Variants in RPAP2 observed in about 807,000 individuals in gnomAD.
RPAP2 encodes the protein putative RNA polymerase II subunit B1 CTD phosphatase RPAP2.
RPAP2 carries 52 observed loss-of-function variants against 73.1 expected under a neutral mutation model. The ratio of observed to expected loss-of-function variants is 0.71; its 90% CI spans 0.57 to 0.90. The LOEUF (loss-of-function observed/expected upper bound fraction) is 0.90, where lower values mean the gene tolerates loss of function less well. RPAP2 is among the 40% of genes least tolerant of loss of function. The probability of loss-of-function intolerance (pLI) is 0.00; values close to 1 mark genes in which losing one functional copy is unlikely to be tolerated. For missense variants in RPAP2, 598 were observed against 701.8 expected (o/e 0.85, Z 1.67); for synonymous variants, 225 against 242.1 (o/e 0.93, Z 0.65).
chr1:92,348,381 T>C (rs1212274501), intron 11 of RPAP2, among the ~76,000 whole-genome samples: 2 of 152,248 alleles, frequency 1.3e-5, no homozygotes, highest in Admixed American at 1.3e-4. Flanking sequence ...TTAAAAATCT[T>C]TGGTCACTAT....
intron 9 of RPAP2, among the ~76,000 whole-genome samples, chr1:92,334,592 A>G (rs900704001): frequency 6.6e-6 from 1 of 152,218 alleles, no homozygotes; most frequent in Non-Finnish European, 1.5e-5. Flanking sequence ...TCATGCCTGT[A>G]ATCCCAGAAC....
intron 3 of RPAP2, among the ~76,000 whole-genome samples, chr1:92,301,954 C>T (rs947293370): frequency 4.6e-5 from 7 of 152,156 alleles, no homozygotes; most frequent in Middle Eastern, 3.2e-3. Context: ...ACATCACATA[C>T]TACCCCACAA....
intron 11 of RPAP2, among the ~76,000 whole-genome samples, chr1:92,372,819 G>A (rs1304148384): frequency 1.3e-5 from 2 of 152,176 alleles, no homozygotes; most frequent in Non-Finnish European, 2.9e-5. Flanking sequence ...GGAGGCTGAG[G>A]CAGGAGGATT....
At chr1:92,317,178 T>A (rs1651957252) in intron 6 of RPAP2, among the ~76,000 whole-genome samples, 1 of 152,170 alleles carries the variant, frequency 6.6e-6, no homozygotes, top group Non-Finnish European at 1.5e-5. Flanking sequence ...TAGGAAGTCA[T>A]TTAACCTCTC....
At chr1:92,331,619 T>C (rs1186366328) in intron 8 of RPAP2, among the ~76,000 whole-genome samples, 1 of 152,202 alleles carries the variant, frequency 6.6e-6, no homozygotes, top group African/African-American at 2.4e-5. Flanking sequence ...TAACTCCATC[T>C]ATCCCTCTTG....
intron 2 of RPAP2, among the ~76,000 whole-genome samples, chr1:92,301,238 C>G (rs1650833116): frequency 6.6e-6 from 1 of 152,160 alleles, no homozygotes; most frequent in African/African-American, 2.4e-5. Flanking sequence ...GATCCCAGCA[C>G]TTTGGGAGGC....
intron 10 of RPAP2, among the ~76,000 whole-genome samples, chr1:92,340,933 TTTTAAA>T (rs1653557952): frequency 6.6e-6 from 1 of 152,238 alleles, no homozygotes; most frequent in Non-Finnish European, 1.5e-5. Flanking sequence ...CAAAAGTCCA[TTTTAAA>T]TTTAATCAGT....
rs140937555 is a variant in RPAP2 at position 92,306,528 on chromosome 1, A to C, written c.400-660A>C. ...ATGTAGTACACAGTGAAAATTAATA[A>C]GCTACAACTACTTGAATGAATCTTA... On this transcript the variant is annotated intron_variant, in intron 5 of 12. Transcript: ENST00000610020. Among the ~76,000 whole-genome samples the C allele has an allele frequency of 2.3e-3, 348 of 152,366 alleles. 1 individual carries two copies. The highest frequency in any genetic ancestry group is 8.0e-3 in the African/African-American group (331 of 41,594).
At chr1:92,327,201 C>T (rs561513531) in intron 8 of RPAP2, among the ~76,000 whole-genome samples, 4 of 152,264 alleles carry the variant, frequency 2.6e-5, no homozygotes, top group Admixed American at 2.6e-4. Flanking sequence ...TCATTGTTGA[C>T]CTAGTGATCA....
chr1:92,303,465 C>G (rs920239303), intron 3 of RPAP2, among the ~76,000 whole-genome samples: 1 of 152,146 alleles, frequency 6.6e-6, no homozygotes, highest in East Asian at 1.9e-4. Context: ...CATCACCTCA[C>G]CACTCTGTAC....
chr1:92,380,932 CTTTT>C, intron 12 of RPAP2, 59 bp downstream of exon 12: 2 of 1,096,890 alleles, frequency 1.8e-6, no homozygotes, highest in African/African-American at 1.7e-5. Context: ...TATGTGGATT[CTTTT>C]TTTTTTTAAT....
chr1:92,319,122 A>G (rs1319241186), intron 6 of RPAP2, among the ~76,000 whole-genome samples: 2 of 152,236 alleles, frequency 1.3e-5, no homozygotes, highest in Admixed American at 6.5e-5. Flanking sequence ...AAATGCCTTT[A>G]TATACAGACT....
At chr1:92,305,493 T>A (rs1651166784) in intron 5 of RPAP2, among the ~76,000 whole-genome samples, 1 of 127,590 alleles carries the variant, frequency 7.8e-6, no homozygotes, top group African/African-American at 3.2e-5. Flanking sequence ...AGAGACTTCA[T>A]AAAATAAGAT....
intron 11 of RPAP2, among the ~76,000 whole-genome samples, chr1:92,355,271 A>AT (rs1654407601): frequency 6.6e-6 from 1 of 152,032 alleles, no homozygotes. Flanking sequence ...GATATATCCT[A>AT]TTTTTGTTCC....
Position 92,392,540 on chromosome 1 carries a change from T to G in RPAP2, c.*5529T>G, listed in dbSNP as rs1656081194. On this transcript the variant is annotated 3_prime_UTR_variant, in exon 13 of 13. Transcript: ENST00000610020. Reference sequence around the variant, plus strand: ...GTATTGGAAGTTCTGGCCAGGGCAATCAGGCAAGAGAAAGCAATAAAGCAT... The same window carrying G: ...GTATTGGAAGTTCTGGCCAGGGCAAGCAGGCAAGAGAAAGCAATAAAGCAT... The G allele has an allele frequency of 6.6e-6, 1 of 152,176 alleles. No homozygotes were observed. Among genetic ancestry groups the G allele is most frequent in the Non-Finnish European group, 1.5e-5 (1 of 68,036 alleles). The allele number at this position is 152,176 out of a possible 1,614,324, so 9.4% of individuals were successfully genotyped here. A position where few individuals can be genotyped will look rare whatever the true frequency, so the allele number is the denominator to read the frequency against.
chr1:92,333,421 A>G lies in RPAP2; in HGVS notation c.1486A>G (p.Ser496Gly), dbSNP rs1172760793. ...HDSTFPLIDSSSQNQIRKRIV... is the reference protein window; with the variant it reads ...HDSTFPLIDSGSQNQIRKRIV... ...TTCCACCTTTCCACTGATAGACTCA[A>G]GTTCCCAGAACCAGATTAGAAAACG... Residue 496 changes from serine (S) to glycine (G), a missense_variant, in exon 9 of 13, where the codon AGT (serine) becomes GGT (glycine). Around this residue, in one of 3 missense-constraint regions of RPAP2, gnomAD observed 506 missense variants for 612.8 expected, o/e 0.83. Coordinates refer to ENST00000610020, the MANE Select transcript of RPAP2 (RefSeq NM_024813.3). 3 of 1,613,710 alleles carry G rather than the reference A, an allele frequency of 1.9e-6. No homozygotes were observed. Among genetic ancestry groups the G allele is most frequent in the Middle Eastern group, 1.7e-4 (1 of 6,058 alleles).
chr1:92,373,777 A>T (rs1308419394), intron 11 of RPAP2, among the ~76,000 whole-genome samples: 8 of 134,498 alleles, frequency 5.9e-5, no homozygotes, highest in African/African-American at 2.1e-4. Flanking sequence ...AAAAGTAGCC[A>T]GGCGTGGTGG....
chr1:92,301,605 G>A lies in RPAP2; in HGVS notation c.234+15G>A. On this transcript the variant is annotated intron_variant, in intron 3 of 12. Transcript: ENST00000610020. ...TAATGGAGTGTGTATGTGTTAAGTT[G>A]ACAAATTATTAGTTTTGTAGTATAA... 9.1e-7 allele frequency: 1 copy of A among 1,096,416 alleles called. No homozygotes were observed. The highest frequency in any genetic ancestry group is 2.6e-5 in the Admixed American group (1 of 38,174). 67.9% of individuals were successfully genotyped at this position (1,096,416 alleles called of 1,614,324 possible). A position where few individuals can be genotyped will look rare whatever the true frequency, so the allele number is the denominator to read the frequency against.
At chr1:92,311,086 A>T (rs1459795898) in intron 6 of RPAP2, among the ~76,000 whole-genome samples, 1 of 152,214 alleles carries the variant, frequency 6.6e-6, no homozygotes, top group Non-Finnish European at 1.5e-5. Flanking sequence ...TTGCTTTTTT[A>T]AAATGCTGGC....
Sources: gnomAD v4.1 joint callset for allele counts (sites outside exome capture counted in the v4.1 genomes callset) on GRCh38, gnomAD v4.1.1 for gene constraint, gnomAD v4.1.1 regional missense constraint, MANE v1.5 for transcripts, NCBI Gene and HGNC (gene_info 2026-07-23, HGNC 2026-07-21) for gene names.